UNC13B: variants seen among roughly 807,000 people sequenced by gnomAD.
UNC13B encodes unc-13 homolog B, also known as protein unc-13 homolog B.
In UNC13B, 144 loss-of-function variants were observed where a neutral mutation model predicts 211.0. The ratio of observed to expected loss-of-function variants is 0.68; its 90% CI spans 0.60 to 0.78. The LOEUF is 0.78. Ranked by LOEUF, UNC13B falls within the 30% of genes least tolerant of loss-of-function variation. The pLI, the probability that UNC13B is intolerant of heterozygous loss-of-function variation, is 0.00. For missense variants in UNC13B, 1,777 were observed against 2,002.0 expected (o/e 0.89, Z 2.14); for synonymous variants, 709 against 725.8 (o/e 0.98, Z 0.37).
chr9:35,188,208 T>A (rs1822465523), intron 1 of UNC13B, among the ~76,000 whole-genome samples: 1 of 152,216 alleles, frequency 6.6e-6, no homozygotes, highest in Non-Finnish European at 1.5e-5. Context: ...GTTACAATCT[T>A]TAAAGCTATT....
At chr9:35,225,311 C>T (rs999836765) in intron 1 of UNC13B, among the ~76,000 whole-genome samples, 3 of 152,086 alleles carry the variant, frequency 2.0e-5, no homozygotes, top group Admixed American at 6.5e-5. Context: ...CAGGCATGTG[C>T]CACTACACCC....
intron 10 of UNC13B, among the ~76,000 whole-genome samples, chr9:35,313,072 G>A (rs1488956111): frequency 6.6e-6 from 1 of 152,206 alleles, no homozygotes; most frequent in African/African-American, 2.4e-5. Context: ...AAGAAGTGCA[G>A]TGAGAGGGGT....
At chr9:35,273,750 T>G (rs963645195) in intron 7 of UNC13B, among the ~76,000 whole-genome samples, 7 of 152,358 alleles carry the variant, frequency 4.6e-5, no homozygotes, top group African/African-American at 1.7e-4. Context: ...GTGCTTCTCT[T>G]AGTCTCATTT....
chr9:35,199,073 A>G (rs1021066773), intron 1 of UNC13B, among the ~76,000 whole-genome samples: 2 of 152,080 alleles, frequency 1.3e-5, no homozygotes, highest in African/African-American at 4.8e-5. Context: ...ATTCCCACCT[A>G]TGAGTGAGAA....
intron 30 of UNC13B, 101 bp from the exon 31 acceptor site, chr9:35,398,110 T>C (rs147276636): frequency 4.9e-6 from 5 of 1,025,006 alleles, no homozygotes; most frequent in African/African-American, 1.6e-5. Flanking sequence ...CTATGTCATA[T>C]GTGAAGTCCC....
chr9:35,324,651 C>T (rs1830912541), intron 11 of UNC13B, among the ~76,000 whole-genome samples: 1 of 152,162 alleles, frequency 6.6e-6, no homozygotes, highest in East Asian at 1.9e-4. Flanking sequence ...CACTTCTGCA[C>T]AGTCCCTCCT....
At chr9:35,314,170 T>G (rs1201190155) in intron 11 of UNC13B, among the ~76,000 whole-genome samples, 181 bp downstream of exon 11, 1 of 152,196 alleles carries the variant, frequency 6.6e-6, no homozygotes, top group East Asian at 1.9e-4. Flanking sequence ...CTGTGCTGAT[T>G]AATGGAAATC....
chr9:35,312,888 C>A (rs630255), intron 10 of UNC13B, among the ~76,000 whole-genome samples: 54,124 of 152,036 alleles, frequency 0.36, 10,092 homozygotes, highest in African/African-American at 0.46. Context: ...CTCAAGGAAC[C>A]AGATCATGGC....
At chr9:35,263,851 G>C (rs1391823903) in intron 7 of UNC13B, among the ~76,000 whole-genome samples, 1 of 152,162 alleles carries the variant, frequency 6.6e-6, no homozygotes, top group Non-Finnish European at 1.5e-5. Context: ...GTAGCCATCT[G>C]TAAGCCAGGA....
At chr9:35,190,301 A>G (rs942049029) in intron 1 of UNC13B, among the ~76,000 whole-genome samples, 1 of 152,184 alleles carries the variant, frequency 6.6e-6, no homozygotes, top group African/African-American at 2.4e-5. Context: ...GGCCAAGAGC[A>G]TGCTTCTCTG....
At chr9:35,271,661 G>A (rs1827888725) in intron 7 of UNC13B, among the ~76,000 whole-genome samples, 1 of 152,182 alleles carries the variant, frequency 6.6e-6, no homozygotes, top group African/African-American at 2.4e-5. Context: ...AAAGAATGTA[G>A]CAACACACCA....
chr9:35,214,737 A>G (rs1164060914), intron 1 of UNC13B, among the ~76,000 whole-genome samples: 1 of 152,192 alleles, frequency 6.6e-6, no homozygotes, highest in East Asian at 1.9e-4. Flanking sequence ...AGTTAATTGG[A>G]AGAAAAGACA....
At position 35,295,944 on chromosome 9, in the gene UNC13B, A is replaced by G. The variant is rs1173326417; in HGVS notation, c.761+14A>G. 6 of 1,582,160 alleles carry G rather than the reference A, an allele frequency of 3.8e-6. No individual in the cohort carries two copies. The highest frequency in any genetic ancestry group is 5.2e-6 in the Non-Finnish European group (6 of 1,162,630). On this transcript the variant is annotated intron_variant, in intron 8 of 39. Transcript: ENST00000635942. ...GCGGGCTATCAGGTGGGTATTGAGC[A>G]CAAAGTACTTTCTCTTCCTAATATC...
intron 30 of UNC13B, 137 bp from the exon 31 acceptor site, chr9:35,398,074 C>G (rs920992748): frequency 1.4e-6 from 1 of 695,242 alleles, no homozygotes; most frequent in Non-Finnish European, 2.3e-6. Context: ...TGAACTGGCC[C>G]CAGCTCTTAG....
chr9:35,290,968 G>A (rs1439905572), intron 7 of UNC13B: 1 of 1,196,444 alleles, frequency 8.4e-7, no homozygotes, highest in African/African-American at 1.5e-5. Context: ...GCTTAAGTAA[G>A]GTAAGGCACA....
chr9:35,358,114 G>A (rs1222971189), intron 11 of UNC13B, among the ~76,000 whole-genome samples: 3 of 152,168 alleles, frequency 2.0e-5, no homozygotes, highest in African/African-American at 7.2e-5. Flanking sequence ...GTTGTAATGT[G>A]TCAGAATTTC....
chr9:35,309,851 C>A (rs961807427), intron 9 of UNC13B, among the ~76,000 whole-genome samples: 1 of 152,180 alleles, frequency 6.6e-6, no homozygotes, highest in Admixed American at 6.5e-5. Context: ...GTTGATGAGA[C>A]CATTCGTTTG....
At chr9:35,364,653 G>T (rs1199140894) in intron 11 of UNC13B, 3 of 1,372,684 alleles carry the variant, frequency 2.2e-6, no homozygotes, top group Non-Finnish European at 3.0e-6. Context: ...GTGTATGTGT[G>T]TGTGTGTGTG....
chr9:35,404,304 C>T lies in UNC13B; in HGVS notation c.*271C>T, dbSNP rs1383839363. ...CATTAAGAGAGAAGGACAAACATTT[C>T]TGAGAGTGTCAGCCATTCTTGGTAG... On this transcript the variant is annotated 3_prime_UTR_variant, in exon 40 of 40. Transcript: ENST00000635942. The T allele has an allele frequency of 6.5e-5, 32 of 490,690 alleles. No individual in the cohort carries two copies. Among genetic ancestry groups the T allele is most frequent in the Non-Finnish European group, 1.1e-4 (29 of 273,116 alleles). 30.4% of individuals were successfully genotyped at this position (490,690 alleles called of 1,614,324 possible).
Sources: allele counts gnomAD v4.1 joint callset (sites outside exome capture counted in the v4.1 genomes callset), GRCh38; gene constraint gnomAD v4.1.1; transcripts MANE v1.5; gene names NCBI Gene and HGNC (gene_info 2026-07-23, HGNC 2026-07-21).